TMEM232: variants seen among roughly 807,000 people sequenced by gnomAD.
TMEM232 encodes transmembrane protein 232.
A neutral mutation model predicts 78.8 loss-of-function variants in TMEM232; 80 were observed. That is an observed-to-expected ratio of 1.01 (90% CI 0.85 to 1.22). The LOEUF (loss-of-function observed/expected upper bound fraction) is 1.22. TMEM232 is among the 50% of genes most tolerant of loss of function. The pLI, the probability that TMEM232 is intolerant of heterozygous loss-of-function variation, is 0.00. For missense variants in TMEM232, 881 were observed against 742.2 expected (o/e 1.19, Z -2.17); for synonymous variants, 297 against 254.3 (o/e 1.17, Z -1.60).
intron 10 of TMEM232, among the ~76,000 whole-genome samples, chr5:110,580,384 A>G (rs1009698212): frequency 1.3e-5 from 2 of 151,698 alleles, no homozygotes; most frequent in Non-Finnish European, 3.0e-5. Context: ...AACATACTGT[A>G]TATGTTTGTA....
Position 110,478,172 on chromosome 5 carries a change from C to T in TMEM232, c.1703+50416G>A, listed in dbSNP as rs186596415. On this transcript the variant is annotated intron_variant, in intron 12 of 13. Coordinates refer to ENST00000455884, the MANE Select transcript of TMEM232 (RefSeq NM_001039763.4). Reference sequence around the variant, plus strand: ...GAATTTTTCCTGCGTTAATCATCAACATCGACCCAGTTTTGCTGCTATATG... The same window carrying T: ...GAATTTTTCCTGCGTTAATCATCAATATCGACCCAGTTTTGCTGCTATATG... Among the ~76,000 whole-genome samples, 246 of 152,078 alleles carry T rather than the reference C, an allele frequency of 1.6e-3. 1 individual carries two copies. Among genetic ancestry groups the T allele is most frequent in the African/African-American group, 5.8e-3 (241 of 41,566 alleles).
intron 4 of TMEM232, among the ~76,000 whole-genome samples, chr5:110,388,317 C>T (rs769201274): frequency 2.0e-5 from 3 of 151,982 alleles, no homozygotes; most frequent in Non-Finnish European, 4.4e-5. Flanking sequence ...TTACTGTGCA[C>T]GCGGCTGGCA....
chr5:110,662,917 G>T (rs1294809417), intron 2 of TMEM232, among the ~76,000 whole-genome samples: 1 of 151,834 alleles, frequency 6.6e-6, no homozygotes, highest in East Asian at 1.9e-4. Context: ...GGTTGGGAAA[G>T]ATTTTTTTAA....
intron 12 of TMEM232, among the ~76,000 whole-genome samples, chr5:110,430,413 A>G (rs1206971790): frequency 2.6e-5 from 4 of 151,190 alleles, no homozygotes; most frequent in African/African-American, 7.3e-5. Context: ...TCACCTTAAT[A>G]CTATCCCTGA....
At chr5:110,629,346 T>G (rs1784825135) in intron 5 of TMEM232, among the ~76,000 whole-genome samples, 1 of 152,130 alleles carries the variant, frequency 6.6e-6, no homozygotes. Flanking sequence ...TGGTCATGGA[T>G]TTCACCTGAC....
At chr5:110,462,216 A>G (rs895411385) in intron 12 of TMEM232, among the ~76,000 whole-genome samples, 3 of 152,196 alleles carry the variant, frequency 2.0e-5, no homozygotes, top group African/African-American at 4.8e-5. Flanking sequence ...ATCAACATCA[A>G]TAGTTTGGAA....
At chr5:110,556,812 A>AT (rs1232303896) in intron 11 of TMEM232, among the ~76,000 whole-genome samples, 1 of 151,932 alleles carries the variant, frequency 6.6e-6, no homozygotes, top group Non-Finnish European at 1.5e-5. Flanking sequence ...TGCCTTTAAC[A>AT]TTTTTTCTTT....
downstream of TMEM232, among the ~76,000 whole-genome samples, chr5:110,417,437 C>G (rs1756264634): frequency 1.3e-5 from 2 of 152,036 alleles, no homozygotes; most frequent in Non-Finnish European, 2.9e-5. Context: ...ACTCAGAATC[C>G]TTTGTGAGTT....
intron 12 of TMEM232, among the ~76,000 whole-genome samples, chr5:110,481,082 T>A (rs577684534): frequency 8.5e-5 from 13 of 152,270 alleles, no homozygotes; most frequent in Middle Eastern, 3.4e-3. Flanking sequence ...AAATTTGCCA[T>A]GTGAATCAAC....
At chr5:110,625,582 TGC>T (rs1784328855) in intron 6 of TMEM232, 149 bp from the exon 7 acceptor site, 2 of 593,062 alleles carry the variant, frequency 3.4e-6, no homozygotes, top group Admixed American at 3.9e-5. Flanking sequence ...ATGTTATGTA[TGC>T]CCCCTGGTGG....
At chr5:110,600,306 A>G (rs529779270) in intron 10 of TMEM232, among the ~76,000 whole-genome samples, 70 of 152,316 alleles carry the variant, frequency 4.6e-4, no homozygotes, top group African/African-American at 1.6e-3. Context: ...AGAAATAACT[A>G]AGATCAGAGC....
At chr5:110,532,199 A>G (rs1276093764) in intron 11 of TMEM232, among the ~76,000 whole-genome samples, 1 of 151,968 alleles carries the variant, frequency 6.6e-6, no homozygotes, top group Non-Finnish European at 1.5e-5. Flanking sequence ...GCAGGATCCC[A>G]CTAGAAATCG....
At chr5:110,670,285 C>G (rs1276554809) in intron 1 of TMEM232, among the ~76,000 whole-genome samples, 1 of 152,186 alleles carries the variant, frequency 6.6e-6, no homozygotes, top group Non-Finnish European at 1.5e-5. Context: ...TCAGCAAAGT[C>G]TCAGGATACA....
At chr5:110,703,184 C>T (rs978480421) in intron 1 of TMEM232, among the ~76,000 whole-genome samples, 11 of 151,952 alleles carry the variant, frequency 7.2e-5, no homozygotes, top group African/African-American at 2.7e-4. Context: ...AAAAGGAGCT[C>T]CGTGAAACTC....
chr5:110,711,267 A>G (rs1796443858), intron 1 of TMEM232, among the ~76,000 whole-genome samples: 1 of 152,174 alleles, frequency 6.6e-6, no homozygotes, highest in Admixed American at 6.5e-5. Flanking sequence ...GAAGAGACAC[A>G]AAAAAACTGA....
chr5:110,678,796 T>C (rs1474762207), intron 1 of TMEM232, among the ~76,000 whole-genome samples: 1 of 152,160 alleles, frequency 6.6e-6, no homozygotes, highest in Non-Finnish European at 1.5e-5. Flanking sequence ...CTTTTCAGAT[T>C]GGCTTATTTC....
chr5:110,420,865 T>C, intron 13 of TMEM232, 109 bp from the exon 14 acceptor site: 1 of 1,386,694 alleles, frequency 7.2e-7, no homozygotes, highest in Non-Finnish European at 9.3e-7. Context: ...TCAGGTTTTT[T>C]CCATGACATT....
At chr5:110,435,165 T>C (rs1332736487) in intron 12 of TMEM232, among the ~76,000 whole-genome samples, 1 of 151,858 alleles carries the variant, frequency 6.6e-6, no homozygotes, top group Admixed American at 6.6e-5. Flanking sequence ...TGACTCTTCA[T>C]GTAGAAAACT....
At chr5:110,722,150 T>C (rs1398849875) in intron 1 of TMEM232, among the ~76,000 whole-genome samples, 9 of 151,962 alleles carry the variant, frequency 5.9e-5, no homozygotes, top group Non-Finnish European at 1.5e-5. Flanking sequence ...ATGGCAGAAA[T>C]AAAGTTCTTA....
Sources: gnomAD v4.1 joint callset for allele counts (sites outside exome capture counted in the v4.1 genomes callset) on GRCh38, gnomAD v4.1.1 for gene constraint, MANE v1.5 for transcripts, NCBI Gene and HGNC (gene_info 2026-07-23, HGNC 2026-07-21) for gene names.